The following MR1 variants were observed in gnomAD, a reference collection of about 807,000 sequenced individuals.
The protein encoded by MR1 is major histocompatibility complex class I-related protein 1.
In MR1, 44 loss-of-function variants were observed where a neutral mutation model predicts 37.8. The observed-to-expected ratio is 1.16, with a 90% CI of 0.91 to 1.50. MR1 has a LOEUF of 1.50. MR1 is among the 40% of genes most tolerant of loss of function. MR1 has a pLI of 0.00. For synonymous variants in MR1, 153 were observed against 155.8 expected (o/e 0.98, Z 0.13); for missense variants, 386 against 419.1 (o/e 0.92, Z 0.69).
chr1:181,036,924 C>G (rs1446499234), intron 1 of MR1: 1 of 152,188 alleles, frequency 6.6e-6, no homozygotes, highest in African/African-American at 2.4e-5. Flanking sequence ...AAAACTGTGG[C>G]TTACTGTAGT....
intron 3 of MR1, 87 bp from the exon 4 acceptor site, chr1:181,052,148 A>G: frequency 6.8e-7 from 1 of 1,466,834 alleles, no homozygotes. Flanking sequence ...GCAATAAAGA[A>G]AAATTAGGAA....
At chr1:181,051,010 C>T (rs531406767) in intron 3 of MR1, 1 of 152,104 alleles carries the variant, frequency 6.6e-6, no homozygotes, top group South Asian at 2.1e-4. Context: ...TGATAAGATT[C>T]CTTTCAGCAA....
chr1:181,045,465 C>T (rs114982467), intron 1 of MR1, among the ~76,000 whole-genome samples: 1,560 of 152,112 alleles, frequency 0.01, 28 homozygotes, highest in African/African-American at 0.032. Flanking sequence ...TTCCCATGCA[C>T]GCCCCGCCTT....
At chr1:181,037,856 C>T (rs1244305562) in intron 1 of MR1, among the ~76,000 whole-genome samples, 2 of 152,298 alleles carry the variant, frequency 1.3e-5, no homozygotes, top group East Asian at 3.9e-4. Flanking sequence ...AGAGCTCATT[C>T]ATTCGTTTTC....
Position 181,055,367 on chromosome 1 carries a change from C to A in MR1, c.*102C>A. On this transcript the variant is annotated 3_prime_UTR_variant, in exon 6 of 6. Transcript: ENST00000367580. Reference sequence around the variant, plus strand: ...TGCTTGAAGGTCCTGACGACACCCACAACATACATGAGAGTAATGGGATTG... The same window carrying A: ...TGCTTGAAGGTCCTGACGACACCCAAAACATACATGAGAGTAATGGGATTG... The A allele has an allele frequency of 2.9e-6, 3 of 1,017,756 alleles. No individual in the cohort carries two copies. Among genetic ancestry groups the A allele is most frequent in the Non-Finnish European group, 4.6e-6 (3 of 651,398 alleles). 63.0% of individuals were successfully genotyped at this position (1,017,756 alleles called of 1,614,324 possible). A position where few individuals can be genotyped will look rare whatever the true frequency, so the allele number is the denominator to read the frequency against.
chr1:181,042,084 G>C (rs994384648), intron 1 of MR1, among the ~76,000 whole-genome samples: 1 of 151,978 alleles, frequency 6.6e-6, no homozygotes, highest in African/African-American at 2.4e-5. Context: ...AAACTTTCCA[G>C]ATGTGAAAAA....
intron 4 of MR1, among the ~76,000 whole-genome samples, chr1:181,052,912 C>T (rs1014455911): frequency 3.3e-5 from 5 of 151,478 alleles, no homozygotes; most frequent in Non-Finnish European, 7.4e-5. Context: ...ACTAAAAATA[C>T]AAAAATTAGC....
chr1:181,039,062 C>G (rs1490367124), intron 1 of MR1, among the ~76,000 whole-genome samples: 2 of 152,022 alleles, frequency 1.3e-5, no homozygotes, highest in African/African-American at 4.8e-5. Context: ...GCCTTGGCCC[C>G]CCAAAGTGCT....
chr1:181,051,802 T>A (rs999231700), intron 3 of MR1, among the ~76,000 whole-genome samples: 2 of 152,194 alleles, frequency 1.3e-5, no homozygotes, highest in Non-Finnish European at 2.9e-5. Context: ...TGAGTGGGGA[T>A]GGCTGTGTTA....
At chr1:181,051,999 TC>T (rs34664109) in intron 3 of MR1, among the ~76,000 whole-genome samples, 1 of 152,108 alleles carries the variant, frequency 6.6e-6, no homozygotes, top group Non-Finnish European at 1.5e-5. Context: ...TGTATGACTT[TC>T]CCCCCTTAGA....
intron 1 of MR1, among the ~76,000 whole-genome samples, chr1:181,037,642 AGATGACAAAG>A (rs1657342948): frequency 1.3e-5 from 2 of 152,388 alleles, no homozygotes; most frequent in African/African-American, 4.8e-5. Context: ...AAATTGAGAA[AGATGACAAAG>A]GATGTTTTTT....
chr1:181,034,729 G>A (rs1464885714), intron 1 of MR1, among the ~76,000 whole-genome samples: 1 of 152,160 alleles, frequency 6.6e-6, no homozygotes, highest in African/African-American at 2.4e-5. Context: ...TGGTACTGGT[G>A]GGCAGTGTCC....
intron 1 of MR1, among the ~76,000 whole-genome samples, chr1:181,048,724 T>C (rs1275636822): frequency 6.7e-6 from 1 of 149,754 alleles, no homozygotes; most frequent in Non-Finnish European, 1.5e-5. Flanking sequence ...CAGCTCCCCC[T>C]GTATCCCCAA....
intron 1 of MR1, among the ~76,000 whole-genome samples, chr1:181,047,701 G>A (rs552831282): frequency 6.6e-6 from 1 of 151,888 alleles, no homozygotes; most frequent in South Asian, 2.1e-4. Context: ...TTTGAGACCA[G>A]CCTGGTCAAT....
rs17302590 is a variant in MR1 at position 181,060,721 on chromosome 1, A to G, written c.*5456A>G. 9,650 of 152,286 alleles carry G rather than the reference A, an allele frequency of 0.063. 344 individuals are homozygous for G. The highest frequency in any genetic ancestry group is 0.085 in the Non-Finnish European group (5,783 of 68,032). The allele number at this position is 152,286 out of a possible 1,614,324, so 9.4% of individuals were successfully genotyped here. On this transcript the variant is annotated 3_prime_UTR_variant, in exon 6 of 6. Transcript: ENST00000367580. Reference sequence around the variant, plus strand: ...GACAAGGAAGTGTTCTTGGTCTTCAACTTTCATCCCTGATGGTGAAAGCAG... The same window carrying G: ...GACAAGGAAGTGTTCTTGGTCTTCAGCTTTCATCCCTGATGGTGAAAGCAG...
At chr1:181,046,605 T>G (rs1269682165) in intron 1 of MR1, among the ~76,000 whole-genome samples, 1 of 152,010 alleles carries the variant, frequency 6.6e-6, no homozygotes, top group Non-Finnish European at 1.5e-5. Context: ...ATCAGCAGGA[T>G]GTGGGTGGGG....
chr1:181,053,757 C>A (rs998027264), intron 5 of MR1, 80 bp downstream of exon 5: 22 of 1,056,858 alleles, frequency 2.1e-5, no homozygotes, highest in Admixed American at 3.7e-5. Flanking sequence ...ACCTGCTGCT[C>A]CCTCCTCCAT....
chr1:181,051,089 G>A (rs2102398010), intron 3 of MR1: 1 of 152,024 alleles, frequency 6.6e-6, no homozygotes, highest in African/African-American at 2.4e-5. Flanking sequence ...AACTTTTCAT[G>A]TATGGTCTTG....
chr1:181,034,838 C>T (rs1657186747), intron 1 of MR1, among the ~76,000 whole-genome samples: 1 of 152,030 alleles, frequency 6.6e-6, no homozygotes, highest in Non-Finnish European at 1.5e-5. Context: ...GAATGACTGA[C>T]CATGGAGATT....
Sources: allele counts gnomAD v4.1 joint callset (sites outside exome capture counted in the v4.1 genomes callset), GRCh38; gene constraint gnomAD v4.1.1; transcripts MANE v1.5; gene names NCBI Gene and HGNC (gene_info 2026-07-23, HGNC 2026-07-21).